The following CSF2RA variants were observed in gnomAD, a reference collection of about 807,000 sequenced individuals.
CSF2RA encodes granulocyte-macrophage colony-stimulating factor receptor subunit alpha.
Under a neutral mutation model 51.6 loss-of-function variants are expected in CSF2RA, and 42 were observed. That is an observed-to-expected ratio of 0.81 (90% CI 0.64 to 1.05). The LOEUF (loss-of-function observed/expected upper bound fraction) is 1.05, where lower values mean the gene tolerates loss of function less well. CSF2RA is among the 50% of genes least tolerant of loss of function. The pLI, the probability that CSF2RA is intolerant of heterozygous loss-of-function variation, is 0.00. For synonymous variants in CSF2RA, 222 were observed against 193.0 expected (o/e 1.15, Z -1.24); for missense variants, 530 against 501.1 (o/e 1.06, Z -0.55).
the CSF2RA span, among the ~76,000 whole-genome samples, chrX:1,323,704 T>C: frequency 1.3e-5 from 2 of 150,916 alleles, no homozygotes; most frequent in East Asian, 3.9e-4. Context: ...GGCAACATAG[T>C]GAGACCCCCA....
intron 2 of CSF2RA, among the ~76,000 whole-genome samples, chrX:1,280,946 G>T (rs866259542): frequency 0.044 from 471 of 10,716 alleles, 2 homozygotes; most frequent in East Asian, 0.071. Flanking sequence ...TCCTCCTCCT[G>T]CTTCTCCTCC....
intron 10 of CSF2RA, among the ~76,000 whole-genome samples, chrX:1,301,988 C>T (rs1364456973): frequency 6.7e-6 from 1 of 148,560 alleles, no homozygotes; most frequent in African/African-American, 2.5e-5. Flanking sequence ...GCCATCTCGG[C>T]TCACCGCGAT....
Position 1,304,022 on chromosome X carries a change from A to G in CSF2RA, c.1043+3A>G. Reference sequence around the variant, plus strand: ...GTCCTCGGCTTCCTCTTTAAAAGGTAACCTGTGAAACACCTGGGCCTCCCC... The same window carrying G: ...GTCCTCGGCTTCCTCTTTAAAAGGTGACCTGTGAAACACCTGGGCCTCCCC... On this transcript the variant is annotated splice_donor_region_variant and intron_variant, in intron 11 of 12. Coordinates refer to ENST00000381529, the MANE Select transcript of CSF2RA (RefSeq NM_172245.4). 5 of 1,610,748 alleles carry G rather than the reference A, an allele frequency of 3.1e-6. No homozygotes were observed. Among genetic ancestry groups the G allele is most frequent in the Non-Finnish European group, 4.2e-6 (5 of 1,178,326 alleles).
At chrX:1,320,844 T>C in the CSF2RA span, among the ~76,000 whole-genome samples, 2 of 150,768 alleles carry the variant, frequency 1.3e-5, no homozygotes, top group East Asian at 2.0e-4. Flanking sequence ...TGTTTTTTTT[T>C]GTTTGTTTGT....
intron 3 of CSF2RA, among the ~76,000 whole-genome samples, chrX:1,284,191 C>CTA (rs2090365038): frequency 8.7e-6 from 1 of 114,492 alleles, no homozygotes; most frequent in Admixed American, 1.0e-4. Flanking sequence ...CTTTCTCTGT[C>CTA]TCTCTTTTTT....
At chrX:1,276,152 CA>C (rs2089163637) in intron 2 of CSF2RA, among the ~76,000 whole-genome samples, 2 of 150,396 alleles carry the variant, frequency 1.3e-5, no homozygotes, top group East Asian at 3.9e-4. Context: ...AGAGGTACGC[CA>C]CCACGCCTGG....
intron 4 of CSF2RA, among the ~76,000 whole-genome samples, chrX:1,287,395 A>G (rs745811739): frequency 0.011 from 1,676 of 146,900 alleles, 43 homozygotes; most frequent in African/African-American, 0.039. Flanking sequence ...CTCGTGATCC[A>G]CCCTCCTTGG....
intron 4 of CSF2RA, among the ~76,000 whole-genome samples, chrX:1,286,639 T>C (rs2090706361): frequency 6.6e-6 from 1 of 151,710 alleles, no homozygotes; most frequent in Non-Finnish European, 1.5e-5. Flanking sequence ...ACAACACAAG[T>C]GTGGTATTTG....
intron 4 of CSF2RA, chrX:1,287,289 G>A (rs1215342564): frequency 1.3e-5 from 2 of 151,562 alleles, no homozygotes; most frequent in Non-Finnish European, 2.9e-5. Context: ...GAGTAGCTGG[G>A]ATTACAGGTG....
At chrX:1,304,533 GC>G (rs1206152374) in intron 11 of CSF2RA, among the ~76,000 whole-genome samples, 3 of 151,696 alleles carry the variant, frequency 2.0e-5, no homozygotes, top group African/African-American at 7.3e-5. Context: ...TCAGCTGTGG[GC>G]AGCTTCAGGG....
At position 1,288,539 on chromosome X, in the gene CSF2RA, G is replaced by A. The variant is rs753367293; in HGVS notation, c.240G>A (p.Ser80=). ...VEPRLSNNEC[S]CTFREICLHE... ...TTCAGCTCAGTAACAACGAATGTTCGTGCACATTTCGTGAAATTTGTCTGC... is the reference window on the plus strand; with the variant it reads ...TTCAGCTCAGTAACAACGAATGTTCATGCACATTTCGTGAAATTTGTCTGC... Residue 80 remains serine, a synonymous_variant, in exon 5 of 13, where the codon TCG becomes TCA. Transcript: ENST00000381529. The A allele has an allele frequency of 1.5e-5, 24 of 1,613,752 alleles. No homozygotes were observed. The Admixed American group carries it at 1.7e-4, about 11-fold the overall frequency.
At chrX:1,323,060 T>C in the CSF2RA span, among the ~76,000 whole-genome samples, 613 of 149,812 alleles carry the variant, frequency 4.1e-3, 5 homozygotes, top group African/African-American at 1.0e-2. Context: ...ACCCGGGAGG[T>C]GGAGGTTGCA....
At chrX:1,270,970 C>T (rs1202227641) in intron 1 of CSF2RA, among the ~76,000 whole-genome samples, 2 of 146,548 alleles carry the variant, frequency 1.4e-5, no homozygotes, top group Admixed American at 6.9e-5. Context: ...CTTGAGGCCA[C>T]AGCAATTCCA....
chrX:1,320,712 C>CAT, the CSF2RA span, among the ~76,000 whole-genome samples: 4 of 147,072 alleles, frequency 2.7e-5, no homozygotes, highest in South Asian at 8.6e-4. Flanking sequence ...GGGGTTTCGC[C>CAT]ATGTTGGCCA....
chrX:1,322,496 C>A, the CSF2RA span, among the ~76,000 whole-genome samples: 3 of 120,700 alleles, frequency 2.5e-5, no homozygotes, highest in South Asian at 8.4e-4. Flanking sequence ...CTGTAAGTAT[C>A]TTTTTCTTTC....
At chrX:1,281,052 C>CT (rs1160188879) in intron 2 of CSF2RA, among the ~76,000 whole-genome samples, 1 of 9,976 alleles carries the variant, frequency 1.0e-4, no homozygotes, top group Admixed American at 1.6e-3. Context: ...CCTCCTGCTC[C>CT]CCTTCTCCTC....
intron 2 of CSF2RA, chrX:1,281,819 C>T (rs767172739): frequency 7.4e-5 from 11 of 149,646 alleles, no homozygotes; most frequent in African/African-American, 2.7e-4. Context: ...TATGTACTCA[C>T]CCTTTTTTTC....
At chrX:1,280,254 C>G (rs1184362366) in intron 2 of CSF2RA, among the ~76,000 whole-genome samples, 1 of 151,922 alleles carries the variant, frequency 6.6e-6, no homozygotes, top group Non-Finnish European at 1.5e-5. Context: ...GGCAGATCAT[C>G]TGAGGTCAGG....
intron 3 of CSF2RA, among the ~76,000 whole-genome samples, chrX:1,284,597 T>G (rs1463762773): frequency 6.8e-6 from 1 of 147,944 alleles, no homozygotes; most frequent in East Asian, 2.0e-4. Context: ...CAAGCTAATT[T>G]AAATTTTTTT....
Sources: allele counts gnomAD v4.1 joint callset (sites outside exome capture counted in the v4.1 genomes callset), GRCh38; gene constraint gnomAD v4.1.1; transcripts MANE v1.5; gene names NCBI Gene and HGNC (gene_info 2026-07-23, HGNC 2026-07-21).